CLDN2: variants seen among roughly 807,000 people sequenced by gnomAD.
The protein encoded by CLDN2 is claudin-2.
Under a neutral mutation model 8.2 loss-of-function variants are expected in CLDN2, and 1 was observed. The observed-to-expected ratio is 0.12, with a 90% CI of 0.04 to 0.58. CLDN2 has a LOEUF of 0.58. CLDN2 is among the 20% of genes least tolerant of loss of function. The pLI, the probability that CLDN2 is intolerant of heterozygous loss-of-function variation, is 0.90. For synonymous variants in CLDN2, 70 were observed against 70.2 expected, an observed-to-expected ratio of 1.00 and a Z score of 0.01; for missense variants, 108 against 172.9, an observed-to-expected ratio of 0.62 and a Z score of 2.11.
Position 106,929,001 on chromosome X carries a change from C to A in CLDN2, c.*80C>A. On this transcript the variant is annotated 3_prime_UTR_variant, in exon 2 of 2. Transcript: ENST00000336803. ...CACCCCGAGGGCCACAGGTGAGGGA[C>A]ACTACCACTGGATCGTGTCAGAAGG... 1 of 834,068 alleles carries A rather than the reference C, an allele frequency of 1.2e-6. No individual in the cohort carries two copies. Among genetic ancestry groups the A allele is most frequent in the Non-Finnish European group, 1.7e-6 (1 of 574,496 alleles). The allele number at this position is 834,068 out of a possible 1,213,427, so 68.7% of individuals were successfully genotyped here. A position where few individuals can be genotyped will look rare whatever the true frequency, so the allele number is the denominator to read the frequency against.
Position 106,928,873 on chromosome X carries a change from C to G in CLDN2, c.645C>G (p.Pro215=), listed in dbSNP as rs750149991. 1.7e-6 allele frequency: 2 copies of G among 1,209,464 alleles called. No homozygotes were observed. Among genetic ancestry groups the G allele is most frequent in the African/African-American group, 3.5e-5 (2 of 56,995 alleles). Residue 215 remains proline (P), a synonymous_variant, in exon 2 of 2, where the codon CCC becomes CCG. Transcript: ENST00000336803. ...TRSSPRPGQP[P]KVKSEFNSYS... ...GCTCTCCAAGGCCTGGTCAACCTCC[C>G]AAAGTCAAGAGTGAGTTCAATTCCT... is the stretch of plus-strand genomic sequence containing the variant.
rs190850487 is a variant in CLDN2, at chrX:106,913,307, C to A, written c.-179+12803C>A. 1.4e-3 allele frequency among the ~76,000 whole-genome samples: 156 copies of A among 111,830 alleles called. 2 individuals carry two copies. The highest frequency in any genetic ancestry group is 0.01 in the Admixed American group (107 of 10,558). ...ACAGTGTTTTGCCATATTGGCCAGGCTGGTTTTGAACTCCTTACCTCAAGT... is the reference window on the plus strand; with the variant it reads ...ACAGTGTTTTGCCATATTGGCCAGGATGGTTTTGAACTCCTTACCTCAAGT... On this transcript the variant is annotated intron_variant, in intron 1 of 1. Coordinates refer to the CLDN2 transcript ENST00000541806.
chrX:106,900,576 A>C, intron 1 of CLDN2: 1 of 885,711 alleles, frequency 1.1e-6, no homozygotes, highest in Admixed American at 4.0e-5. Flanking sequence ...CTGGACTAAT[A>C]CTTCCGGCTA....
chrX:106,901,656 TG>T (rs1394133977), intron 1 of CLDN2: 11 of 711,542 alleles, frequency 1.5e-5, no homozygotes, highest in Non-Finnish European at 2.3e-5. Flanking sequence ...TAGACATCTC[TG>T]GGACCCAGCA....
intron 1 of CLDN2, chrX:106,900,654 T>C (rs1195106328): frequency 1.9e-6 from 2 of 1,070,436 alleles, no homozygotes; most frequent in Non-Finnish European, 2.4e-6. Flanking sequence ...TCCATTTGGA[T>C]AGGTTAGGGG....
upstream of CLDN2, among the ~76,000 whole-genome samples, chrX:106,919,813 CAT>C (rs1192872544): frequency 8.9e-6 from 1 of 112,747 alleles, no homozygotes; most frequent in Non-Finnish European, 1.9e-5. Context: ...GCTTAAATGA[CAT>C]AGTGCATGGC....
At chrX:106,925,729 G>A (rs764794316) in intron 1 of CLDN2, among the ~76,000 whole-genome samples, 1 of 112,655 alleles carries the variant, frequency 8.9e-6, no homozygotes, top group African/African-American at 3.2e-5. Context: ...TGATGAGGTC[G>A]TGCATGGTGG....
At chrX:106,905,818 C>T (rs1933171519) in intron 1 of CLDN2, among the ~76,000 whole-genome samples, 3 of 111,512 alleles carry the variant, frequency 2.7e-5, no homozygotes, top group South Asian at 3.8e-4. Context: ...ACCACCTTCA[C>T]GTTAGGAGCT....
chrX:106,914,442 C>A (rs192324023), upstream of CLDN2, among the ~76,000 whole-genome samples: 404 of 111,231 alleles, frequency 3.6e-3, no homozygotes, highest in Admixed American at 5.9e-3. Context: ...CTATTAAATA[C>A]CCCCCTTCTC....
chrX:106,927,924 A>T, intron 1 of CLDN2, 127 bp from the exon 2 acceptor site: 2 of 188,101 alleles, frequency 1.1e-5, no homozygotes, highest in East Asian at 8.9e-5. Flanking sequence ...CCACGTTCAA[A>T]GTTGTTTTTT....
intron 1 of CLDN2, chrX:106,903,375 C>T (rs916996581): frequency 2.1e-6 from 2 of 951,633 alleles, no homozygotes; most frequent in African/African-American, 2.0e-5. Flanking sequence ...TTTTATAAGC[C>T]CTGCCTGGTC....
rs1423715039 is a variant in CLDN2 at position 106,900,614 on chromosome X, AAACTG to A, written c.-179+114_-179+118del. 9.7e-6 allele frequency: 10 copies of A among 1,035,014 alleles called. 1 individual carries two copies. The highest frequency in any genetic ancestry group is 6.9e-5 in the East Asian group (2 of 28,956). 85.3% of individuals were successfully genotyped at this position (1,035,014 alleles called of 1,213,427 possible). On this transcript the variant is annotated intron_variant, in intron 1 of 1. Coordinates refer to the CLDN2 transcript ENST00000541806. ...TGATGTCTGTGAAAACTTGCCAGAC[AAACTG>A]AACCCCAATCAGACTCTGGCTGCCT...
At chrX:106,914,996 A>C (rs753484285), upstream of CLDN2, among the ~76,000 whole-genome samples, 5 of 111,935 alleles carry the variant, frequency 4.5e-5, no homozygotes, top group African/African-American at 1.6e-4. Context: ...TAATTTCCTT[A>C]TGCCACTCCA....
At chrX:106,916,236 T>C (rs1933308860), upstream of CLDN2, among the ~76,000 whole-genome samples, 1 of 110,683 alleles carries the variant, frequency 9.0e-6, no homozygotes, top group Non-Finnish European at 1.9e-5. Context: ...AAGCAACCGT[T>C]AAGCTGAGCC....
chrX:106,927,991 T>G, intron 1 of CLDN2, 60 bp from the exon 2 acceptor site: 2 of 293,813 alleles, frequency 6.8e-6, no homozygotes, highest in Non-Finnish European at 5.9e-6. Flanking sequence ...GCATCCAGCG[T>G]TTTCTGGTTT....
chrX:106,904,098 G>T (rs1013752933), intron 1 of CLDN2, among the ~76,000 whole-genome samples: 4 of 112,353 alleles, frequency 3.6e-5, no homozygotes, highest in African/African-American at 1.3e-4. Context: ...AGTTCTGCCC[G>T]ACTACAGAGC....
At chrX:106,915,573 C>T (rs1375991545), upstream of CLDN2, among the ~76,000 whole-genome samples, 1 of 112,251 alleles carries the variant, frequency 8.9e-6, no homozygotes, top group South Asian at 3.7e-4. Flanking sequence ...AAATAATTTA[C>T]AAATCTTGCT....
At chrX:106,926,706 T>TAC (rs750352417) in intron 1 of CLDN2, among the ~76,000 whole-genome samples, 7 of 101,070 alleles carry the variant, frequency 6.9e-5, no homozygotes, top group African/African-American at 1.1e-4. Flanking sequence ...CTACAAAAAA[T>TAC]ACACACACAC....
intron 1 of CLDN2, among the ~76,000 whole-genome samples, chrX:106,926,204 TCAGTGAACA>T (rs1182407205): frequency 2.7e-5 from 3 of 111,858 alleles, no homozygotes; most frequent in African/African-American, 9.8e-5. Flanking sequence ...GAGGTATCAT[TCAGTGAACA>T]CAGGGAACAC....
Sources: allele counts gnomAD v4.1 joint callset (sites outside exome capture counted in the v4.1 genomes callset), GRCh38; gene constraint gnomAD v4.1.1; transcripts MANE v1.5; gene names NCBI Gene and HGNC (gene_info 2026-07-23, HGNC 2026-07-21).